The following MARCHF7 variants were observed in gnomAD, a reference collection of about 807,000 sequenced individuals.
MARCHF7 encodes the protein membrane associated ring-CH-type finger 7, also known as E3 ubiquitin-protein ligase MARCHF7.
A neutral mutation model predicts 76.5 loss-of-function variants in MARCHF7; 20 were observed. That is an observed-to-expected ratio of 0.26 (90% CI 0.18 to 0.38). The LOEUF is 0.38. MARCHF7 is among the 10% of genes least tolerant of loss of function. MARCHF7 has a pLI of 1.00. For missense variants in MARCHF7, 797 were observed against 812.9 expected (o/e 0.98, Z 0.24); for synonymous variants, 295 against 293.0 (o/e 1.01, Z -0.07).
chr2:159,723,357 G>A (rs1023550341), intron 3 of MARCHF7, among the ~76,000 whole-genome samples: 2 of 152,208 alleles, frequency 1.3e-5, no homozygotes, highest in African/African-American at 4.8e-5. Flanking sequence ...AAGAGACAGC[G>A]TAGGTACTAT....
chr2:159,748,234 A>T lies in MARCHF7; in HGVS notation c.944A>T (p.Tyr315Phe), dbSNP rs1705141027. The stretch of plus-strand genomic sequence containing the variant: ...AGATCATTGAATTCTGAAAATTCTT[A>T]CGTTTCTCCAAGAATCTTGACAGCT... The part of the protein sequence containing the change: ...NTRSLNSENS[Y>F]VSPRILTASQ... Residue 315 changes from tyrosine to phenylalanine, a missense_variant, in exon 7 of 12, where the codon TAC becomes TTC. Physicochemically the swap from Tyr to Phe is conservative, Grantham distance 22 (BLOSUM62 3). Coordinates refer to ENST00000409175, the MANE Select transcript of MARCHF7 (RefSeq NM_001282805.2). 1 of 1,613,744 alleles carries T rather than the reference A, an allele frequency of 6.2e-7. No homozygotes were observed. Among genetic ancestry groups the T allele is most frequent in the African/African-American group, 1.3e-5 (1 of 74,896 alleles).
In MARCHF7 at chr2:159,770,454, AAAG is replaced by A. The variant is rs1214623060; in HGVS notation, c.*3114_*3116del. The A allele has an allele frequency of 6.6e-6, 1 of 152,086 alleles. No individual in the cohort carries two copies. Among genetic ancestry groups the A allele is most frequent in the Non-Finnish European group, 1.5e-5 (1 of 68,024 alleles). 9.4% of individuals were successfully genotyped at this position (152,086 alleles called of 1,614,324 possible). A position where few individuals can be genotyped will look rare whatever the true frequency, so the allele number is the denominator to read the frequency against. ...TGTTTTCGATTCATGTGGTCAATAA[AAAG>A]AGACTACACAAGCTGGAACTTTGTT... On this transcript the variant is annotated 3_prime_UTR_variant, in exon 12 of 12. Coordinates refer to ENST00000409175, the MANE Select transcript of MARCHF7 (RefSeq NM_001282805.2).
chr2:159,762,771 A>G (rs1294667523), intron 9 of MARCHF7, 109 bp from the exon 10 acceptor site: 2 of 490,810 alleles, frequency 4.1e-6, no homozygotes, highest in African/African-American at 2.0e-5. Flanking sequence ...GGAACTGGAT[A>G]TGAATACATT....
intron 9 of MARCHF7, among the ~76,000 whole-genome samples, chr2:159,760,025 A>G (rs1706838919): frequency 6.6e-6 from 1 of 152,130 alleles, no homozygotes; most frequent in Non-Finnish European, 1.5e-5. Flanking sequence ...CATAAAAACC[A>G]TTTTGTGCAG....
At chr2:159,751,500 G>T (rs535007842) in intron 7 of MARCHF7, among the ~76,000 whole-genome samples, 2 of 152,250 alleles carry the variant, frequency 1.3e-5, no homozygotes, top group African/African-American at 4.8e-5. Flanking sequence ...TATGCTTGAG[G>T]TTATGTCTGA....
In MARCHF7 at chr2:159,769,922, A is replaced by T. The variant is rs1469328996; in HGVS notation, c.*2580A>T. On this transcript the variant is annotated 3_prime_UTR_variant, in exon 12 of 12. Transcript: ENST00000409175. ...TAACCACCTGTGATTTGAACACTTG[A>T]CAATGTGGCTAATGTAATTCGAAAA... 6.6e-6 allele frequency: 1 copy of T among 152,202 alleles called. No homozygotes were observed. Among genetic ancestry groups the T allele is most frequent in the African/African-American group, 2.4e-5 (1 of 41,458 alleles). The allele number at this position is 152,202 out of a possible 1,614,324, so 9.4% of individuals were successfully genotyped here. A position where few individuals can be genotyped will look rare whatever the true frequency, so the allele number is the denominator to read the frequency against.
chr2:159,726,895 A>G (rs1044454794), intron 3 of MARCHF7, among the ~76,000 whole-genome samples: 18 of 152,222 alleles, frequency 1.2e-4, no homozygotes, highest in Non-Finnish European at 2.2e-4. Context: ...AATACTTACC[A>G]TTGAATTACA....
Position 159,735,303 on chromosome 2 carries a change from A to G in MARCHF7, c.153+6128A>G, listed in dbSNP as rs532361839. Among the ~76,000 whole-genome samples, 6 of 152,236 alleles carry G rather than the reference A, an allele frequency of 3.9e-5. No individual in the cohort carries two copies. The South Asian group carries it at 1.0e-3, about 26-fold the overall frequency. On this transcript the variant is annotated intron_variant, in intron 4 of 11. Transcript: ENST00000409175. ...TGCATTACATGATTTTTAATTAATC[A>G]TTTGCCAGTGGATAACATTGATGTA...
At chr2:159,751,319 A>T (rs756649616) in intron 7 of MARCHF7, among the ~76,000 whole-genome samples, 1 of 152,138 alleles carries the variant, frequency 6.6e-6, no homozygotes, top group Non-Finnish European at 1.5e-5. Context: ...GTGTGTGTGT[A>T]TGTTTGTATT....
intron 9 of MARCHF7, among the ~76,000 whole-genome samples, chr2:159,762,001 A>C (rs546129780): frequency 6.6e-6 from 1 of 152,286 alleles, no homozygotes; most frequent in South Asian, 2.1e-4. Context: ...CAGCATTCTC[A>C]TCTCACTCTC....
At chr2:159,720,494 A>G (rs576300066) in intron 3 of MARCHF7, among the ~76,000 whole-genome samples, 5 of 152,136 alleles carry the variant, frequency 3.3e-5, no homozygotes, top group African/African-American at 7.2e-5. Flanking sequence ...TCTTTATTCA[A>G]ACACACTAAG....
intron 8 of MARCHF7, among the ~76,000 whole-genome samples, chr2:159,753,388 G>A (rs550590647): frequency 1.8e-3 from 278 of 151,966 alleles, no homozygotes; most frequent in Admixed American, 5.0e-3. Flanking sequence ...TGGCTAACAC[G>A]GTGAAACCCC....
At chr2:159,730,750 T>C (rs974196731) in intron 4 of MARCHF7, among the ~76,000 whole-genome samples, 2 of 152,244 alleles carry the variant, frequency 1.3e-5, no homozygotes, top group Non-Finnish European at 2.9e-5. Flanking sequence ...TCTACTCATT[T>C]TTGTCTAATT....
chr2:159,751,775 G>A (rs1705679143), intron 7 of MARCHF7, among the ~76,000 whole-genome samples: 1 of 152,200 alleles, frequency 6.6e-6, no homozygotes, highest in Non-Finnish European at 1.5e-5. Flanking sequence ...TTAAATAGAG[G>A]ACGTAGGTTA....
At position 159,718,369 on chromosome 2, in the gene MARCHF7, A is replaced by G. The variant is rs567208175; in HGVS notation, c.-15+2603A>G. 3.3e-5 allele frequency among the ~76,000 whole-genome samples: 5 copies of G among 152,296 alleles called. No individual in the cohort carries two copies. The South Asian group carries it at 1.0e-3, about 32-fold the overall frequency. ...ATATATTAAATACATATTTATTAAT[A>G]CATTAACATACAGGAAAAGACTTTT... On this transcript the variant is annotated intron_variant, in intron 3 of 11. Transcript: ENST00000409175.
chr2:159,716,439 G>A (rs933460148), intron 3 of MARCHF7, among the ~76,000 whole-genome samples: 4 of 152,002 alleles, frequency 2.6e-5, no homozygotes, highest in African/African-American at 9.7e-5. Flanking sequence ...TTGAGCTCAG[G>A]AGTTCAAGAC....
intron 8 of MARCHF7, among the ~76,000 whole-genome samples, chr2:159,755,449 G>A (rs890855455): frequency 6.6e-6 from 1 of 152,116 alleles, no homozygotes; most frequent in African/African-American, 2.4e-5. Flanking sequence ...TGAATGAAGG[G>A]GGAATTAAGA....
chr2:159,716,197 C>T (rs960061631), intron 3 of MARCHF7, among the ~76,000 whole-genome samples: 8 of 151,544 alleles, frequency 5.3e-5, no homozygotes, highest in African/African-American at 1.9e-4. Flanking sequence ...TTGACCCACC[C>T]TTAGCTTCCA....
intron 7 of MARCHF7, among the ~76,000 whole-genome samples, chr2:159,750,902 C>A (rs1314174171): frequency 6.6e-6 from 1 of 151,924 alleles, no homozygotes; most frequent in Non-Finnish European, 1.5e-5. Flanking sequence ...ACTTTCAAAT[C>A]CAACTCTGGT....
Sources: allele counts gnomAD v4.1 joint callset (sites outside exome capture counted in the v4.1 genomes callset), GRCh38; gene constraint gnomAD v4.1.1; transcripts MANE v1.5; gene names NCBI Gene and HGNC (gene_info 2026-07-23, HGNC 2026-07-21).